The following PITPNM2 variants were observed in gnomAD, a reference collection of about 807,000 sequenced individuals.
The protein encoded by PITPNM2 is membrane-associated phosphatidylinositol transfer protein 2.
Under a neutral mutation model 132.2 loss-of-function variants are expected in PITPNM2, and 35 were observed. The ratio of observed to expected loss-of-function variants is 0.26; its 90% confidence interval spans 0.20 to 0.35. The LOEUF is 0.35. Ranked by LOEUF, PITPNM2 falls within the 10% of genes least tolerant of loss-of-function variation. The pLI is 1.00. For synonymous variants in PITPNM2, 738 were observed against 799.2 expected (o/e 0.92, Z 1.29); for missense variants, 1,332 against 1,912.0 (o/e 0.70, Z 5.66).
chr12:123,010,650 C>G (rs2039153256), intron 5 of PITPNM2: 1 of 156,114 alleles, frequency 6.4e-6, no homozygotes, highest in Admixed American at 6.4e-5. Context: ...GAAGGAACCA[C>G]CAGGGTGTCT....
chr12:123,057,955 A>AC (rs1387439342), intron 2 of PITPNM2, among the ~76,000 whole-genome samples: 1 of 151,700 alleles, frequency 6.6e-6, no homozygotes, highest in Admixed American at 6.6e-5. Flanking sequence ...TTGGAATGTG[A>AC]CCCTCCGTGC....
upstream of PITPNM2, among the ~76,000 whole-genome samples, chr12:123,151,278 C>T (rs2043744936): frequency 6.6e-6 from 1 of 151,266 alleles, no homozygotes; most frequent in Admixed American, 6.6e-5. Context: ...CCTGCCGCGG[C>T]GACCCCGCTC....
intron 3 of PITPNM2, among the ~76,000 whole-genome samples, chr12:123,033,260 G>A (rs1464783278): frequency 1.3e-5 from 2 of 152,252 alleles, no homozygotes; most frequent in African/African-American, 4.8e-5. Context: ...TGGGAAGCCC[G>A]AAGACCCTCA....
intron 3 of PITPNM2, among the ~76,000 whole-genome samples, chr12:123,017,672 T>C (rs192971603): frequency 1.2e-4 from 18 of 152,318 alleles, no homozygotes; most frequent in African/African-American, 4.1e-4. Flanking sequence ...TAATAGAATA[T>C]TATTCAGTCA....
In PITPNM2 at chr12:123,077,110, G is replaced by A. The variant is rs2041814288; in HGVS notation, c.-96+33275C>T. ...ATGATGCAGAATGTTGACCCACTGG[G>A]CAGCAGGCTTGAAATCCTGCCTGAC... is the stretch of plus-strand genomic sequence containing the variant. On this transcript the variant is annotated intron_variant, in intron 2 of 25. Coordinates refer to ENST00000320201, the MANE Select transcript of PITPNM2 (RefSeq NM_020845.3). This position sits in a 1 kb window ranked among gnomAD's most constrained non-coding sequence, Gnocchi z 4.8. 6.6e-6 allele frequency among the ~76,000 whole-genome samples: 1 copy of A among 152,130 alleles called. No individual in the cohort carries two copies. The highest frequency in any genetic ancestry group is 1.5e-5 in the Non-Finnish European group (1 of 68,020).
At position 123,014,590 on chromosome 12, in the gene PITPNM2, G is replaced by A. The variant is rs558476187; in HGVS notation, c.79-548C>T. 4.6e-5 allele frequency among the ~76,000 whole-genome samples: 7 copies of A among 152,182 alleles called. No individual in the cohort carries two copies. The South Asian group carries it at 1.5e-3, about 32-fold the overall frequency. On this transcript the variant is annotated intron_variant, in intron 3 of 25. Coordinates refer to ENST00000320201, the MANE Select transcript of PITPNM2 (RefSeq NM_020845.3). ...ATGTGGCACATGCCTGTAGCCCCAGGTACTCAAAGGCTGAAACAGGAGAAT... is the reference window on the plus strand; with the variant it reads ...ATGTGGCACATGCCTGTAGCCCCAGATACTCAAAGGCTGAAACAGGAGAAT...
intron 23 of PITPNM2, 150 bp downstream of exon 23, chr12:122,987,131 T>C (rs910862220): frequency 1.4e-5 from 16 of 1,142,826 alleles, no homozygotes; most frequent in Non-Finnish European, 1.7e-5. Context: ...TAATTGGGGG[T>C]GCTGGGCTCT....
chr12:123,116,080 G>A (rs1340661040), intron 1 of PITPNM2, among the ~76,000 whole-genome samples: 3 of 152,196 alleles, frequency 2.0e-5, no homozygotes, highest in Non-Finnish European at 4.4e-5. Context: ...CCATGCCCTC[G>A]TGGAGTCCCC....
chr12:123,130,696 C>T (rs1183916774), intron 1 of PITPNM2, among the ~76,000 whole-genome samples: 1 of 152,118 alleles, frequency 6.6e-6, no homozygotes, highest in Admixed American at 6.5e-5. Flanking sequence ...AGGAGAATGG[C>T]GTGAACCCAG....
At position 123,150,551 on chromosome 12, in the gene PITPNM2, G is replaced by A. The variant is rs1288667327; in HGVS notation, c.-200+202C>T. Among the ~76,000 whole-genome samples the A allele has an allele frequency of 6.6e-6, 1 of 151,778 alleles. No individual in the cohort carries two copies. Among genetic ancestry groups the A allele is most frequent in the Non-Finnish European group, 1.5e-5 (1 of 67,894 alleles). ...TGAGGCCAGGCTCGGGCGGTCTCCCGAGCGGGGCTCCCGTACGCCACACCC... is the reference window on the plus strand; with the variant it reads ...TGAGGCCAGGCTCGGGCGGTCTCCCAAGCGGGGCTCCCGTACGCCACACCC... On this transcript the variant is annotated intron_variant, in intron 1 of 25. Transcript: ENST00000320201. This position sits in a 1 kb window ranked among gnomAD's most constrained non-coding sequence, Gnocchi z 6.0.
At position 123,136,219 on chromosome 12, in the gene PITPNM2, G is replaced by A. The variant is rs540340828; in HGVS notation, c.-200+14534C>T. 9.9e-5 allele frequency among the ~76,000 whole-genome samples: 15 copies of A among 151,702 alleles called. No individual in the cohort carries two copies. In the South Asian group the frequency reaches 1.7e-3, roughly 17 times the overall value. On this transcript the variant is annotated intron_variant, in intron 1 of 25. Transcript: ENST00000320201. Reference sequence around the variant, plus strand: ...TGGGAGGTTAAGGCAGGAGAACGGCGTGAACCCAGGAGGCAGAGCTTGCAG... The same window carrying A: ...TGGGAGGTTAAGGCAGGAGAACGGCATGAACCCAGGAGGCAGAGCTTGCAG...
chr12:123,102,773 G>A (rs1196592953), intron 2 of PITPNM2, among the ~76,000 whole-genome samples: 2 of 152,202 alleles, frequency 1.3e-5, no homozygotes, highest in African/African-American at 4.8e-5. Context: ...GTCACTCGAT[G>A]CAATGAGAGG....
In PITPNM2 at chr12:123,005,488, T is replaced by A; in HGVS notation, c.704A>T (p.Tyr235Phe). 1 of 1,613,936 alleles carries A rather than the reference T, an allele frequency of 6.2e-7. No individual in the cohort carries two copies. ...RQAWCWQDEW[Y>F]GLSMENIREL... The stretch of plus-strand genomic sequence containing the variant: ...CCGGATGTTCTCCATGCTCAGCCCA[T>A]ACCACTCGTCCTGCCAGCACCAGGC... Residue 235 changes from tyrosine to phenylalanine, a missense_variant, in exon 7 of 26, where the codon TAT becomes TTT. Coordinates refer to ENST00000320201, the MANE Select transcript of PITPNM2 (RefSeq NM_020845.3). The surrounding 1 kb of genome is among the most constrained non-coding windows in gnomAD (Gnocchi z 6.2).
chr12:123,087,245 CT>C (rs1046573074), intron 2 of PITPNM2: 1 of 151,780 alleles, frequency 6.6e-6, no homozygotes, highest in Non-Finnish European at 1.5e-5. Flanking sequence ...CTTCTTTTTT[CT>C]TTTCTTTTCT....
At chr12:123,001,484 C>A (rs2038674703) in intron 8 of PITPNM2, among the ~76,000 whole-genome samples, 1 of 152,250 alleles carries the variant, frequency 6.6e-6, no homozygotes, top group African/African-American at 2.4e-5. Flanking sequence ...CCTTCCTTGG[C>A]CCCTGGCCAC....
chr12:123,130,344 T>C (rs2043235169), intron 1 of PITPNM2, among the ~76,000 whole-genome samples: 1 of 152,154 alleles, frequency 6.6e-6, no homozygotes, highest in African/African-American at 2.4e-5. Flanking sequence ...GAGATAATTA[T>C]AGATGCAAAA....
Position 122,987,427 on chromosome 12 carries a change from T to G in PITPNM2, c.3267A>C (p.Gly1089=). 6.2e-7 allele frequency: 1 copy of G among 1,613,746 alleles called. No individual in the cohort carries two copies. Residue 1089 remains glycine, a synonymous_variant, in exon 23 of 26, where the codon GGA becomes GGC. Coordinates refer to ENST00000320201, the MANE Select transcript of PITPNM2 (RefSeq NM_020845.3). ...GVYPIKMVVR[G]DHTFADSYIT... is the part of the protein sequence containing the mutation. ...TGTAGCTGTCGGCAAACGTGTGGTC[T>G]CCCCTGGCAGGTGGTGGGGGTGCTC...
intron 1 of PITPNM2, among the ~76,000 whole-genome samples, chr12:123,141,423 T>C (rs1007387144): frequency 3.0e-4 from 46 of 152,170 alleles, no homozygotes; most frequent in African/African-American, 1.1e-3. Flanking sequence ...CCACAGACGC[T>C]GGATCACTAC....
At chr12:123,116,529 G>A (rs980885656) in intron 1 of PITPNM2, among the ~76,000 whole-genome samples, 5 of 151,692 alleles carry the variant, frequency 3.3e-5, no homozygotes, top group East Asian at 3.9e-4. Context: ...ACATTCCTGC[G>A]TCTCAGCTAC....
Sources: allele counts gnomAD v4.1 joint callset (sites outside exome capture counted in the v4.1 genomes callset), GRCh38; gene constraint gnomAD v4.1.1; non-coding constraint Gnocchi (gnomAD v3.1); transcripts MANE v1.5; gene names NCBI Gene and HGNC (gene_info 2026-07-23, HGNC 2026-07-21).